The following FOXP2 variants were observed in gnomAD, a reference collection of about 807,000 sequenced individuals.
FOXP2 encodes forkhead box protein P2.
A neutral mutation model predicts 115.8 loss-of-function variants in FOXP2; 12 were observed. The observed-to-expected ratio is 0.10, with a 90% CI of 0.07 to 0.17. FOXP2 has a LOEUF of 0.17. FOXP2 is among the 10% of genes least tolerant of loss of function. The probability of loss-of-function intolerance (pLI) is 1.00; values close to 1 mark genes in which losing one functional copy is unlikely to be tolerated. For missense variants in FOXP2, 629 were observed against 843.5 expected, an observed-to-expected ratio of 0.75 and a Z score of 3.15; for synonymous variants, 328 against 297.7, an observed-to-expected ratio of 1.10 and a Z score of -1.05.
intron 3 of FOXP2, among the ~76,000 whole-genome samples, chr7:114,541,148 G>A (rs1799642867): frequency 6.6e-6 from 1 of 151,966 alleles, no homozygotes; most frequent in East Asian, 1.9e-4. Flanking sequence ...TTGAGGAGAT[G>A]GCAAGACAAG....
At chr7:114,665,886 T>A (rs1040595390) in intron 16 of FOXP2, 1 of 152,018 alleles carries the variant, frequency 6.6e-6, no homozygotes, top group Admixed American at 6.6e-5. Context: ...TTTCAGCAGT[T>A]CTCCTGAGTA....
intron 2 of FOXP2, among the ~76,000 whole-genome samples, chr7:114,388,744 C>T (rs1011613591): frequency 6.6e-6 from 1 of 151,682 alleles, no homozygotes; most frequent in Non-Finnish European, 1.5e-5. Context: ...AGCTTCTTAA[C>T]AAATATTTAA....
At chr7:114,491,252 G>T (rs1018356612) in intron 2 of FOXP2, among the ~76,000 whole-genome samples, 4 of 148,028 alleles carry the variant, frequency 2.7e-5, no homozygotes, top group African/African-American at 1.0e-4. Context: ...TTCTCTGATG[G>T]CCAGTGATGA....
At chr7:114,680,821 G>A (rs1357761951) in intron 16 of FOXP2, among the ~76,000 whole-genome samples, 1 of 152,062 alleles carries the variant, frequency 6.6e-6, no homozygotes, top group African/African-American at 2.4e-5. Context: ...CAAAACAGTT[G>A]GGGAAAAATG....
chr7:114,546,363 C>T (rs751256449), intron 3 of FOXP2, among the ~76,000 whole-genome samples: 12 of 152,192 alleles, frequency 7.9e-5, no homozygotes, highest in South Asian at 2.1e-4. Context: ...AAAGGCTTTT[C>T]GTAGACTGGT....
At chr7:114,086,992 G>A (rs13310148), upstream of FOXP2, among the ~76,000 whole-genome samples, 5 of 152,310 alleles carry the variant, frequency 3.3e-5, no homozygotes, top group South Asian at 8.3e-4. Flanking sequence ...CGAAACACCA[G>A]ATGTGTGTTT....
Position 114,524,669 on chromosome 7 carries a change from G to A in FOXP2, c.169-9948G>A, listed in dbSNP as rs1339466333. On this transcript the variant is annotated intron_variant, in intron 2 of 16. Coordinates refer to ENST00000350908, the MANE Select transcript of FOXP2 (RefSeq NM_014491.4). ...TAGAATTATAACTGGCATATCATGA[G>A]CACTTAATCATTAATTTTTCTTTTC... 5.9e-5 allele frequency among the ~76,000 whole-genome samples: 9 copies of A among 152,038 alleles called. 1 individual carries two copies.
intron 2 of FOXP2, among the ~76,000 whole-genome samples, chr7:114,339,323 G>T (rs891897785): frequency 6.6e-6 from 1 of 151,116 alleles, no homozygotes; most frequent in African/African-American, 2.4e-5. Flanking sequence ...AGACTTTGAT[G>T]TAGTAAGAAT....
chr7:114,308,455 A>G (rs1403462683), intron 2 of FOXP2, among the ~76,000 whole-genome samples: 2 of 152,128 alleles, frequency 1.3e-5, no homozygotes, highest in Admixed American at 1.3e-4. Context: ...TAAATTTTCA[A>G]AACAGGTCTG....
intron 2 of FOXP2, among the ~76,000 whole-genome samples, chr7:114,340,208 G>A (rs1005526581): frequency 2.0e-5 from 3 of 151,126 alleles, no homozygotes; most frequent in Admixed American, 1.3e-4. Context: ...CCACAATGCT[G>A]TTTTATATAA....
At chr7:114,230,338 A>T (rs1194097848) in intron 1 of FOXP2, among the ~76,000 whole-genome samples, 1 of 152,058 alleles carries the variant, frequency 6.6e-6, no homozygotes, top group East Asian at 1.9e-4. Flanking sequence ...ACTTCTAAAA[A>T]CTGAAAAGGA....
intron 2 of FOXP2, among the ~76,000 whole-genome samples, chr7:114,492,843 G>A (rs1203731194): frequency 3.9e-5 from 6 of 151,982 alleles, no homozygotes; most frequent in East Asian, 1.9e-4. Flanking sequence ...TATGTGGTCA[G>A]TTTTGGAATA....
chr7:114,506,636 G>C (rs1797830535), intron 2 of FOXP2, among the ~76,000 whole-genome samples: 1 of 151,292 alleles, frequency 6.6e-6, no homozygotes, highest in Middle Eastern at 3.2e-3. Context: ...TAATTGCATG[G>C]AGTCAGATTT....
chr7:114,568,710 A>T (rs1433182962), intron 3 of FOXP2, among the ~76,000 whole-genome samples: 1 of 151,932 alleles, frequency 6.6e-6, no homozygotes, highest in Admixed American at 6.6e-5. Context: ...TGGCACCTGT[A>T]TCCCTTAAAT....
At position 114,658,131 on chromosome 7, in the gene FOXP2, T is replaced by C. The variant is rs1806685182; in HGVS notation, c.1332T>C (p.Pro444=). ...NMLETSPQSL[P]QTPTTPTAPV... ...TGGAGACATCCCCACAGAGCTTACC[T>C]CAAACCCCTACCACACCAACGGCCC... The change falls in exon 11 of 17, where the codon CCT becomes CCC. Residue 444 remains proline (P), a synonymous_variant. Transcript: ENST00000350908. 6.2e-7 allele frequency: 1 copy of C among 1,613,668 alleles called. No homozygotes were observed. Among genetic ancestry groups the C allele is most frequent in the Non-Finnish European group, 8.5e-7 (1 of 1,179,858 alleles).
At chr7:114,435,176 A>G (rs1451659826) in intron 2 of FOXP2, among the ~76,000 whole-genome samples, 1 of 152,164 alleles carries the variant, frequency 6.6e-6, no homozygotes, top group Non-Finnish European at 1.5e-5. Flanking sequence ...TGTTGAAAGC[A>G]TTTCCCCAGC....
chr7:114,144,137 A>AG (rs1792300676), intron 1 of FOXP2, among the ~76,000 whole-genome samples: 1 of 152,182 alleles, frequency 6.6e-6, no homozygotes, highest in Non-Finnish European at 1.5e-5. Context: ...AAAGTAGGCT[A>AG]GGCTAAGCTA....
chr7:114,484,651 T>A (rs955859474), intron 2 of FOXP2, among the ~76,000 whole-genome samples: 1 of 151,964 alleles, frequency 6.6e-6, no homozygotes, highest in Non-Finnish European at 1.5e-5. Flanking sequence ...AAGGTCTTTT[T>A]CATTTATTGT....
intron 1 of FOXP2, among the ~76,000 whole-genome samples, chr7:114,115,266 T>C (rs1225226884): frequency 6.6e-6 from 1 of 152,184 alleles, no homozygotes; most frequent in Non-Finnish European, 1.5e-5. Flanking sequence ...GCTTAATGCA[T>C]ATTTGTTGAA....
Sources: gnomAD v4.1 joint callset for allele counts (sites outside exome capture counted in the v4.1 genomes callset) on GRCh38, gnomAD v4.1.1 for gene constraint, MANE v1.5 for transcripts, NCBI Gene and HGNC (gene_info 2026-07-23, HGNC 2026-07-21) for gene names.